DNMBP: variants seen among roughly 807,000 people sequenced by gnomAD.
DNMBP encodes dynamin-binding protein.
DNMBP carries 87 observed loss-of-function variants against 150.0 expected under a neutral mutation model. The ratio of observed to expected loss-of-function variants is 0.58; its 90% CI spans 0.49 to 0.69. The LOEUF is 0.69. Ranked by LOEUF, DNMBP falls within the 30% of genes least tolerant of loss-of-function variation. The pLI is 0.00. For synonymous variants in DNMBP, 711 were observed against 750.4 expected (o/e 0.95, Z 0.86); for missense variants, 1,774 against 1,949.0 (o/e 0.91, Z 1.69).
intron 1 of DNMBP, among the ~76,000 whole-genome samples, chr10:100,005,392 C>A (rs2041056774): frequency 1.3e-5 from 2 of 152,126 alleles, no homozygotes; most frequent in Non-Finnish European, 1.5e-5. Flanking sequence ...ATGCAAACAG[C>A]ATGGGGTATA....
chr10:99,884,160 C>G lies in DNMBP; in HGVS notation c.3848G>C (p.Arg1283Thr), dbSNP rs2133197373. The change falls in exon 15 of 17, where the codon AGG becomes ACG. Residue 1283 changes from arginine (R) to threonine (T), a missense_variant. Arg to Thr is a moderately conservative substitution (Grantham distance 71). Transcript: ENST00000324109. ...CTGGAAGAGTTTTTCAGGGGGATAC[C>G]TGGCCAGGAGGGAGGCCCGGAGTTC... is the stretch of plus-strand genomic sequence containing the variant. ...SEELRASLLA[R>T]YPPEKLFQAE... 1 of 1,614,066 alleles carries G rather than the reference C, an allele frequency of 6.2e-7. No homozygotes were observed. The highest frequency in any genetic ancestry group is 8.5e-7 in the Non-Finnish European group (1 of 1,180,042).
At chr10:99,883,772 G>T (rs1436520297) in intron 15 of DNMBP, among the ~76,000 whole-genome samples, 1 of 151,996 alleles carries the variant, frequency 6.6e-6, no homozygotes, top group Admixed American at 6.6e-5. Flanking sequence ...GTAAGATATG[G>T]CAAGAGCTTG....
rs942374732 is a variant in DNMBP, at chr10:99,880,024, C to G, written c.4335G>C (p.Arg1445Ser). 1.2e-6 allele frequency: 2 copies of G among 1,614,198 alleles called. No homozygotes were observed. Among genetic ancestry groups the G allele is most frequent in the Admixed American group, 3.3e-5 (2 of 60,022 alleles). ...TAGCTACATCTGCAGAGTCCCCTGACCTTGGCTGGGAGGTGGAGTCTGGGT... is the reference window on the plus strand; with the variant it reads ...TAGCTACATCTGCAGAGTCCCCTGAGCTTGGCTGGGAGGTGGAGTCTGGGT... ...PSDPDSTSQP[R>S]SGDSADVARD... The change falls in exon 16 of 17, where the codon AGG becomes AGC. Residue 1445 changes from arginine (R) to serine (S), a missense_variant. By Grantham distance (110) the Arg-to-Ser change is moderately radical. Around this residue, in one of 2 missense-constraint regions of DNMBP, gnomAD observed 1,430 missense variants for 1,492.5 expected, o/e 0.96. Coordinates refer to ENST00000324109, the MANE Select transcript of DNMBP (RefSeq NM_015221.4).
At chr10:99,919,011 A>G (rs757223211) in intron 4 of DNMBP, among the ~76,000 whole-genome samples, 1 of 152,224 alleles carries the variant, frequency 6.6e-6, no homozygotes, top group South Asian at 2.1e-4. Context: ...TCAGTCAATA[A>G]AACTTTACAT....
At position 99,956,527 on chromosome 10, in the gene DNMBP, C is replaced by T. The variant is rs1011988269; in HGVS notation, c.947G>A (p.Ser316Asn). 7 of 1,614,046 alleles carry T rather than the reference C, an allele frequency of 4.3e-6. No homozygotes were observed. In the Admixed American group the frequency reaches 5.0e-5, roughly 12 times the overall value. ...AGAAGTTTCCGGGATCCTGGCAAGG[C>T]TGCCTTCCTGGGGCAGAGCCATGGT... ...EETMALPQEG[S>N]LARIPETSLD... Residue 316 changes from serine (S) to asparagine (N), a missense_variant, in exon 4 of 17, where the codon AGC becomes AAC. Transcript: ENST00000324109.
chr10:99,906,061 G>A (rs902138697), intron 6 of DNMBP, among the ~76,000 whole-genome samples: 1 of 152,214 alleles, frequency 6.6e-6, no homozygotes, highest in Non-Finnish European at 1.5e-5. Context: ...GTGAGGGTAT[G>A]TGGTGAGAGA....
At chr10:99,928,980 CA>C (rs933662296) in intron 4 of DNMBP, among the ~76,000 whole-genome samples, 2 of 151,648 alleles carry the variant, frequency 1.3e-5, no homozygotes, top group African/African-American at 4.8e-5. Context: ...CCTGCCCCTA[CA>C]AAAAAATAAA....
At chr10:99,935,726 G>A (rs2040222599) in intron 4 of DNMBP, among the ~76,000 whole-genome samples, 2 of 152,074 alleles carry the variant, frequency 1.3e-5, no homozygotes, top group Admixed American at 6.6e-5. Flanking sequence ...CCTGCCGCCC[G>A]GCTAATTTTG....
intron 6 of DNMBP, 102 bp from the exon 7 acceptor site, chr10:99,900,168 C>T: frequency 2.6e-6 from 3 of 1,153,686 alleles, no homozygotes; most frequent in Non-Finnish European, 3.8e-6. Flanking sequence ...TAAATCCTAC[C>T]TATTACAAGA....
chr10:99,987,988 A>G (rs1209212797), intron 1 of DNMBP, among the ~76,000 whole-genome samples: 1 of 152,250 alleles, frequency 6.6e-6, no homozygotes, highest in Admixed American at 6.5e-5. Context: ...GGCAGTTAGC[A>G]TGTCTGATCA....
At chr10:99,921,408 A>G (rs750316466) in intron 4 of DNMBP, among the ~76,000 whole-genome samples, 1 of 152,190 alleles carries the variant, frequency 6.6e-6, no homozygotes, top group African/African-American at 2.4e-5. Context: ...ATATTTATTG[A>G]GCATCTATTA....
At chr10:99,968,422 C>T (rs2040642189) in intron 3 of DNMBP, among the ~76,000 whole-genome samples, 1 of 152,108 alleles carries the variant, frequency 6.6e-6, no homozygotes, top group Non-Finnish European at 1.5e-5. Context: ...CGCAGTGACT[C>T]ATGCCTGTAA....
At chr10:99,887,958 G>T (rs981723821) in intron 12 of DNMBP, among the ~76,000 whole-genome samples, 1 of 151,956 alleles carries the variant, frequency 6.6e-6, no homozygotes, top group African/African-American at 2.4e-5. Flanking sequence ...CCGAGTAGCT[G>T]GGATTACAGG....
At position 99,970,982 on chromosome 10, in the gene DNMBP, A is replaced by AT. The variant is rs1564750392; in HGVS notation, c.145+997_145+998insA. 2.0e-4 allele frequency among the ~76,000 whole-genome samples: 30 copies of AT among 147,392 alleles called. 1 individual carries two copies. The highest frequency in any genetic ancestry group is 7.2e-4 in the African/African-American group (29 of 40,100). On this transcript the variant is annotated intron_variant, in intron 2 of 16. Transcript: ENST00000324109. ...GCAAGACTCCGTCTCAAAAAAAAAAAAAAAAAAAAAAAAAAAGGAAAGCAG... is the reference window on the plus strand; with the variant it reads ...GCAAGACTCCGTCTCAAAAAAAAAAATAAAAAAAAAAAAAAAAGGAAAGCAG...
In DNMBP at chr10:99,886,371, C is replaced by T. The variant is rs749730790; in HGVS notation, c.3547G>A (p.Val1183Ile). Residue 1183 changes from valine to isoleucine, a missense_variant, in exon 13 of 17, where the codon GTC (valine) becomes ATC (isoleucine). By Grantham distance (29) the Val-to-Ile change is conservative. Around this residue, in one of 2 missense-constraint regions of DNMBP, gnomAD observed 1,430 missense variants for 1,492.5 expected, o/e 0.96. Coordinates refer to ENST00000324109, the MANE Select transcript of DNMBP (RefSeq NM_015221.4). ...CAGTGGGCTTCAGCATAGCCGTGGA[C>T]ACAGTTGGTGAAGAGGCCCTGGGCG... ...QYAQGLFTNC[V>I]HGYAEAHCDF... is the part of the protein sequence containing the mutation. The T allele has an allele frequency of 6.2e-7, 1 of 1,614,136 alleles. No individual in the cohort carries two copies.
chr10:99,879,075 ACT>A (rs1491417139), intron 16 of DNMBP, among the ~76,000 whole-genome samples: 8 of 146,220 alleles, frequency 5.5e-5, no homozygotes, highest in African/African-American at 1.3e-4. Flanking sequence ...ACAGAGCAAG[ACT>A]CTGTCTCAAA....
rs140324939 is a variant in DNMBP at position 99,903,372 on chromosome 10, C to T, written c.2555-3306G>A. On this transcript the variant is annotated intron_variant, in intron 6 of 16. Coordinates refer to ENST00000324109, the MANE Select transcript of DNMBP (RefSeq NM_015221.4). ...TTTAAGAGATGGGGCCTTGCTCTGT[C>T]ACCCAGATTGGAGTGCACTGTCATG... 1.7e-3 allele frequency among the ~76,000 whole-genome samples: 254 copies of T among 151,608 alleles called. 1 individual carries two copies. Among genetic ancestry groups the T allele is most frequent in the African/African-American group, 6.0e-3 (248 of 41,324 alleles).
rs955477300 is a variant in DNMBP at position 99,900,657 on chromosome 10, C to T, written c.2555-591G>A. Among the ~76,000 whole-genome samples the T allele has an allele frequency of 6.1e-5, 9 of 148,248 alleles. No homozygotes were observed. The East Asian group carries it at 1.7e-3, about 27-fold the overall frequency. Reference sequence around the variant, plus strand: ...AGTTTCTTATTTTTTTTTCCTGAGACGGAGTCTCTTGTCGCCCAGGCTGGA... The same window carrying T: ...AGTTTCTTATTTTTTTTTCCTGAGATGGAGTCTCTTGTCGCCCAGGCTGGA... On this transcript the variant is annotated intron_variant, in intron 6 of 16. Coordinates refer to ENST00000324109, the MANE Select transcript of DNMBP (RefSeq NM_015221.4).
At position 99,922,502 on chromosome 10, in the gene DNMBP, G is replaced by GTTTT. The variant is rs71189108; in HGVS notation, c.2261-13360_2261-13357dup. 1.3e-3 allele frequency among the ~76,000 whole-genome samples: 101 copies of GTTTT among 78,774 alleles called. 1 individual carries two copies. Among genetic ancestry groups the GTTTT allele is most frequent in the African/African-American group, 2.8e-3 (54 of 19,554 alleles). The allele number at this position is 78,774 out of a possible 152,430, so 51.7% of individuals were successfully genotyped here. ...GAAAACACATAACCTAGCTGCTGCT[G>GTTTT]TTTTTTTTTTTTTTTTTTTTTTCTT... is the stretch of plus-strand genomic sequence containing the variant. On this transcript the variant is annotated intron_variant, in intron 4 of 16. Transcript: ENST00000324109.
Sources: allele counts gnomAD v4.1 joint callset (sites outside exome capture counted in the v4.1 genomes callset), GRCh38; gene constraint gnomAD v4.1.1; regional missense constraint gnomAD v4.1.1; transcripts MANE v1.5; gene names NCBI Gene and HGNC (gene_info 2026-07-23, HGNC 2026-07-21).